SPTBN1: variants seen among roughly 807,000 people sequenced by gnomAD.
The protein encoded by SPTBN1 is spectrin beta, non-erythrocytic 1.
SPTBN1 carries 32 observed loss-of-function variants against 266.4 expected under a neutral mutation model. The observed-to-expected ratio is 0.12, with a 90% CI of 0.09 to 0.16. The LOEUF is 0.16. Among genes scored for constraint, SPTBN1 ranks in the 10% least tolerant of loss-of-function variants. The pLI is 1.00. For missense variants in SPTBN1, 2,296 were observed against 3,067.1 expected (o/e 0.75, Z 5.94); for synonymous variants, 1,336 against 1,162.2 (o/e 1.15, Z -3.04).
chr2:54,629,815 G>T lies in SPTBN1; in HGVS notation c.2669+12G>T, dbSNP rs201257161. On this transcript the variant is annotated intron_variant, in intron 14 of 35. Coordinates refer to ENST00000356805, the MANE Select transcript of SPTBN1 (RefSeq NM_003128.3). ...GTCATCCAGCACAGGTGAGCGGGGC[G>T]CTGGTCAGCCACTGGCCTGTTCCTT... is the stretch of plus-strand genomic sequence containing the variant. 3.7e-6 allele frequency: 6 copies of T among 1,609,540 alleles called. No homozygotes were observed. The highest frequency in any genetic ancestry group is 5.1e-6 in the Non-Finnish European group (6 of 1,178,262).
chr2:54,610,512 G>A (rs1432160997), intron 3 of SPTBN1, among the ~76,000 whole-genome samples: 2 of 152,132 alleles, frequency 1.3e-5, no homozygotes, highest in East Asian at 1.9e-4. Context: ...CAGTCTGCCC[G>A]CCTCAGCCTC....
intron 2 of SPTBN1, 115 bp from the exon 3 acceptor site, chr2:54,598,977 T>C: frequency 8.6e-7 from 1 of 1,165,770 alleles, no homozygotes. Flanking sequence ...AGAGGTGTCC[T>C]TGGAGGTCAG....
chr2:54,530,715 G>T (rs988569817), intron 2 of SPTBN1, among the ~76,000 whole-genome samples: 1 of 151,994 alleles, frequency 6.6e-6, no homozygotes, highest in African/African-American at 2.4e-5. Flanking sequence ...TCACCCTCAG[G>T]AATTGCTTTT....
At chr2:54,599,998 G>A (rs1435462588) in intron 3 of SPTBN1, among the ~76,000 whole-genome samples, 2 of 152,228 alleles carry the variant, frequency 1.3e-5, no homozygotes, top group African/African-American at 4.8e-5. Context: ...TGCCATAGGT[G>A]GAAGTGGTGC....
chr2:54,569,378 A>G (rs1056169336), intron 2 of SPTBN1, among the ~76,000 whole-genome samples: 2 of 152,188 alleles, frequency 1.3e-5, no homozygotes, highest in Admixed American at 6.6e-5. Flanking sequence ...TACTTTTTAT[A>G]TATTTATTAT....
At chr2:54,643,710 A>G (rs1040537557) in intron 19 of SPTBN1, among the ~76,000 whole-genome samples, 1 of 152,106 alleles carries the variant, frequency 6.6e-6, no homozygotes, top group African/African-American at 2.4e-5. Context: ...TTGGCAGGGC[A>G]CGGTGGCTCA....
intron 33 of SPTBN1, among the ~76,000 whole-genome samples, chr2:54,665,089 C>T (rs1035303874): frequency 8.5e-5 from 13 of 152,348 alleles, no homozygotes; most frequent in African/African-American, 3.1e-4. Context: ...CATTGTCTCT[C>T]AACAGCCCCA....
intron 2 of SPTBN1, among the ~76,000 whole-genome samples, chr2:54,541,202 A>C (rs183711219): frequency 1.3e-5 from 2 of 152,188 alleles, no homozygotes; most frequent in Non-Finnish European, 2.9e-5. Flanking sequence ...GACCAAATCT[A>C]TTAGCCCCAT....
chr2:54,568,918 A>T (rs1349280702), intron 2 of SPTBN1, among the ~76,000 whole-genome samples: 2 of 152,230 alleles, frequency 1.3e-5, no homozygotes, highest in African/African-American at 4.8e-5. Context: ...ATCCTATATT[A>T]AATGAACGTT....
intron 26 of SPTBN1, among the ~76,000 whole-genome samples, chr2:54,652,208 A>G (rs1680346926): frequency 6.6e-6 from 1 of 152,208 alleles, no homozygotes; most frequent in Non-Finnish European, 1.5e-5. Flanking sequence ...GATGTTACAT[A>G]CTTTATATAA....
At chr2:54,491,876 G>T (rs1033239086) in intron 1 of SPTBN1, among the ~76,000 whole-genome samples, 3 of 152,126 alleles carry the variant, frequency 2.0e-5, no homozygotes, top group Middle Eastern at 3.2e-3. Flanking sequence ...TGGGATTACA[G>T]TCATGAGCCA....
At chr2:54,495,919 T>C (rs1242108945) in intron 1 of SPTBN1, among the ~76,000 whole-genome samples, 1 of 152,098 alleles carries the variant, frequency 6.6e-6, no homozygotes, top group East Asian at 1.9e-4. Flanking sequence ...ACAGGTGCAG[T>C]TTCTTAATTC....
intron 1 of SPTBN1, among the ~76,000 whole-genome samples, chr2:54,499,178 G>A (rs1489117554): frequency 6.6e-6 from 1 of 151,974 alleles, no homozygotes; most frequent in East Asian, 1.9e-4. Context: ...ATAATTCTTG[G>A]CCTATTTTGA....
intron 1 of SPTBN1, among the ~76,000 whole-genome samples, chr2:54,500,020 C>T (rs949176401): frequency 1.3e-5 from 2 of 152,080 alleles, no homozygotes; most frequent in African/African-American, 2.4e-5. Flanking sequence ...ATTCTTTTTA[C>T]GTTTGTAATG....
intron 1 of SPTBN1, among the ~76,000 whole-genome samples, chr2:54,464,089 T>C (rs1376924690): frequency 6.6e-6 from 1 of 152,226 alleles, no homozygotes; most frequent in East Asian, 1.9e-4. Flanking sequence ...GTTGAGAGCA[T>C]ATTTTGATTA....
chr2:54,474,203 C>T (rs1573222204), intron 1 of SPTBN1, among the ~76,000 whole-genome samples: 1 of 152,162 alleles, frequency 6.6e-6, no homozygotes. Flanking sequence ...AAAAGTTTTG[C>T]TGTCTGAATA....
In SPTBN1 at chr2:54,659,960, T is replaced by A; in HGVS notation, c.6381T>A (p.Val2127=). The part of the protein sequence containing the change: ...QQWDTSKGEQ[V]SQNGLPAEQG... Reference sequence around the variant, plus strand: ...GGGATACTTCAAAAGGAGAACAAGTTTCCCAAAACGGTTTGCCAGCTGAAC... The same window carrying A: ...GGGATACTTCAAAAGGAGAACAAGTATCCCAAAACGGTTTGCCAGCTGAAC... Residue 2127 remains valine (V), a synonymous_variant, in exon 32 of 36, where the codon GTT becomes GTA. Coordinates refer to ENST00000356805, the MANE Select transcript of SPTBN1 (RefSeq NM_003128.3). 6.2e-7 allele frequency: 1 copy of A among 1,614,174 alleles called. No homozygotes were observed. The highest frequency in any genetic ancestry group is 8.5e-7 in the Non-Finnish European group (1 of 1,180,036).
chr2:54,467,053 T>C (rs1693674105), intron 1 of SPTBN1, among the ~76,000 whole-genome samples: 1 of 152,110 alleles, frequency 6.6e-6, no homozygotes, highest in Admixed American at 6.6e-5. Context: ...CAGCCACTAA[T>C]GGCCACTGCC....
intron 26 of SPTBN1, among the ~76,000 whole-genome samples, chr2:54,650,354 T>C (rs1680189263): frequency 1.3e-5 from 2 of 152,240 alleles, no homozygotes; most frequent in Non-Finnish European, 2.9e-5. Context: ...TTCTAAGTTG[T>C]ATGTCTGGAA....
Sources: allele counts gnomAD v4.1 joint callset (sites outside exome capture counted in the v4.1 genomes callset), GRCh38; gene constraint gnomAD v4.1.1; transcripts MANE v1.5; gene names NCBI Gene and HGNC (gene_info 2026-07-23, HGNC 2026-07-21).